The following CCBE1 variants were observed in gnomAD, a reference collection of about 807,000 sequenced individuals.
CCBE1 encodes the protein collagen and calcium-binding EGF domain-containing protein 1.
In CCBE1, 37 loss-of-function variants were observed where a neutral mutation model predicts 50.0. The observed-to-expected ratio is 0.74, with a 90% CI of 0.57 to 0.97. The LOEUF is 0.97. Among genes scored for constraint, CCBE1 ranks in the 50% least tolerant of loss-of-function variants. The probability of loss-of-function intolerance (pLI) is 0.00; values close to 1 mark genes in which losing one functional copy is unlikely to be tolerated. For missense variants in CCBE1, 538 were observed against 523.8 expected (o/e 1.03, Z -0.26); for synonymous variants, 234 against 203.7 (o/e 1.15, Z -1.27).
At chr18:59,504,005 C>T (rs899951893) in intron 2 of CCBE1, among the ~76,000 whole-genome samples, 11 of 152,186 alleles carry the variant, frequency 7.2e-5, no homozygotes, top group African/African-American at 2.7e-4. Flanking sequence ...GGAGGCTTGC[C>T]TTGTTCATCT....
At chr18:59,589,443 C>T (rs903200391) in intron 2 of CCBE1, among the ~76,000 whole-genome samples, 1 of 152,118 alleles carries the variant, frequency 6.6e-6, no homozygotes, top group African/African-American at 2.4e-5. Flanking sequence ...CAATATCACA[C>T]GATAATATCG....
chr18:59,532,947 A>C (rs969153211), intron 2 of CCBE1, among the ~76,000 whole-genome samples: 2 of 152,236 alleles, frequency 1.3e-5, no homozygotes, highest in African/African-American at 4.8e-5. Flanking sequence ...CAGTTCACCA[A>C]TGGCCACAGG....
At position 59,600,920 on chromosome 18, in the gene CCBE1, C is replaced by A. The variant is rs1441005438; in HGVS notation, c.212+95709G>T. On this transcript the variant is annotated intron_variant, in intron 2 of 10. Coordinates refer to ENST00000439986, the MANE Select transcript of CCBE1 (RefSeq NM_133459.4). ...ATACATAATGATTTTTCCTTAGCAACTTTTCTAAACCCATTTCCCTTGCTT... is the reference window on the plus strand; with the variant it reads ...ATACATAATGATTTTTCCTTAGCAAATTTTCTAAACCCATTTCCCTTGCTT... 2.7e-5 allele frequency among the ~76,000 whole-genome samples: 4 copies of A among 148,144 alleles called. No homozygotes were observed. The Admixed American group carries it at 2.7e-4, about 10-fold the overall frequency.
At chr18:59,643,556 T>G (rs2054017519) in intron 2 of CCBE1, among the ~76,000 whole-genome samples, 1 of 152,182 alleles carries the variant, frequency 6.6e-6, no homozygotes. Context: ...CCCAGCACTT[T>G]GGAAGGCCGA....
At chr18:59,485,666 A>T (rs1320811434) in intron 2 of CCBE1, among the ~76,000 whole-genome samples, 1 of 151,652 alleles carries the variant, frequency 6.6e-6, no homozygotes, top group Non-Finnish European at 1.5e-5. Flanking sequence ...GCTGGAATGC[A>T]GTGGCATGAT....
chr18:59,656,603 G>C (rs1374633048), intron 2 of CCBE1, among the ~76,000 whole-genome samples: 2 of 152,160 alleles, frequency 1.3e-5, no homozygotes, highest in African/African-American at 4.8e-5. Flanking sequence ...GTTCCTGATG[G>C]CCAGAAACAA....
At chr18:59,660,449 C>G (rs1022313829) in intron 2 of CCBE1, among the ~76,000 whole-genome samples, 20 of 151,996 alleles carry the variant, frequency 1.3e-4, no homozygotes, top group Admixed American at 1.3e-3. Flanking sequence ...TATTCCAATT[C>G]CTAAACACCA....
intron 2 of CCBE1, among the ~76,000 whole-genome samples, chr18:59,650,911 A>C (rs1436195922): frequency 6.6e-6 from 1 of 151,912 alleles, no homozygotes; most frequent in Non-Finnish European, 1.5e-5. Flanking sequence ...CCTGTATGCC[A>C]GGGAAAATGG....
At chr18:59,663,923 A>C (rs2054319325) in intron 2 of CCBE1, among the ~76,000 whole-genome samples, 1 of 152,232 alleles carries the variant, frequency 6.6e-6, no homozygotes, top group South Asian at 2.1e-4. Context: ...GAGGAGGAAC[A>C]ACAGCAGGAG....
chr18:59,692,648 A>T (rs911449219), intron 2 of CCBE1, among the ~76,000 whole-genome samples: 1 of 152,176 alleles, frequency 6.6e-6, no homozygotes, highest in African/African-American at 2.4e-5. Flanking sequence ...ATTTGCAAAA[A>T]CATCACATTA....
chr18:59,588,712 C>T (rs1426539287), intron 2 of CCBE1, among the ~76,000 whole-genome samples: 1 of 152,172 alleles, frequency 6.6e-6, no homozygotes, highest in African/African-American at 2.4e-5. Flanking sequence ...GCTCTTCTGG[C>T]ATCTGGTTCA....
At chr18:59,594,777 C>G (rs971876488) in intron 2 of CCBE1, among the ~76,000 whole-genome samples, 1 of 152,062 alleles carries the variant, frequency 6.6e-6, no homozygotes, top group South Asian at 2.1e-4. Context: ...AGGCGGCATT[C>G]TATGTGCAGT....
intron 2 of CCBE1, among the ~76,000 whole-genome samples, chr18:59,653,487 C>T (rs535343078): frequency 6.6e-6 from 1 of 152,332 alleles, no homozygotes; most frequent in South Asian, 2.1e-4. Flanking sequence ...GGAATACTCA[C>T]CCTGTGCCAA....
chr18:59,619,750 G>C (rs1477939907), intron 2 of CCBE1, among the ~76,000 whole-genome samples: 1 of 152,068 alleles, frequency 6.6e-6, no homozygotes, highest in Non-Finnish European at 1.5e-5. Flanking sequence ...TTCCAAGTGA[G>C]TTTTAAATGT....
At chr18:59,471,911 G>T (rs913688775) in intron 3 of CCBE1, among the ~76,000 whole-genome samples, 5 of 152,254 alleles carry the variant, frequency 3.3e-5, no homozygotes, top group Non-Finnish European at 7.3e-5. Context: ...ATGGTGGCAT[G>T]TGCCACCTCC....
intron 2 of CCBE1, among the ~76,000 whole-genome samples, chr18:59,588,879 C>G (rs147167525): frequency 1.3e-5 from 2 of 152,198 alleles, no homozygotes; most frequent in South Asian, 4.1e-4. Flanking sequence ...GATGCCCCCT[C>G]GGGAGGCTTT....
At chr18:59,572,637 G>A (rs1016092975) in intron 2 of CCBE1, among the ~76,000 whole-genome samples, 1 of 152,154 alleles carries the variant, frequency 6.6e-6, no homozygotes, top group Non-Finnish European at 1.5e-5. Flanking sequence ...TCTATTGGTT[G>A]GTTAGCCTTA....
At position 59,593,999 on chromosome 18, in the gene CCBE1, A is replaced by G. The variant is rs117917489; in HGVS notation, c.212+102630T>C. ...AACCATGTCCCCCTAAAGCCAGGCA[A>G]AACTGCACAGTCTCCCTCTGTCAAG... is the stretch of plus-strand genomic sequence containing the variant. On this transcript the variant is annotated intron_variant, in intron 2 of 10. Transcript: ENST00000439986. 2.6e-3 allele frequency among the ~76,000 whole-genome samples: 401 copies of G among 152,342 alleles called. 4 individuals carry two copies. The East Asian group carries it at 0.032, about 12-fold the overall frequency.
intron 3 of CCBE1, among the ~76,000 whole-genome samples, chr18:59,479,795 T>C (rs1352236958): frequency 6.6e-6 from 1 of 152,196 alleles, no homozygotes; most frequent in Non-Finnish European, 1.5e-5. Flanking sequence ...TACTGTTTGC[T>C]GATGGTCATG....
Sources: gnomAD v4.1 joint callset for allele counts (sites outside exome capture counted in the v4.1 genomes callset) on GRCh38, gnomAD v4.1.1 for gene constraint, MANE v1.5 for transcripts, NCBI Gene and HGNC (gene_info 2026-07-23, HGNC 2026-07-21) for gene names.